MAGI3: variants seen among roughly 807,000 people sequenced by gnomAD.
MAGI3 encodes membrane-associated guanylate kinase, WW and PDZ domain-containing protein 3.
In MAGI3, 43 loss-of-function variants were observed where a neutral mutation model predicts 121.8. That is an observed-to-expected ratio of 0.35 (90% CI 0.28 to 0.46). The LOEUF (loss-of-function observed/expected upper bound fraction) is 0.46. Ranked by LOEUF, MAGI3 falls within the 20% of genes least tolerant of loss-of-function variation. The probability of loss-of-function intolerance (pLI) is 1.00; values close to 1 mark genes in which losing one functional copy is unlikely to be tolerated. For synonymous variants in MAGI3, 553 were observed against 639.3 expected, an observed-to-expected ratio of 0.86 and a Z score of 2.04; for missense variants, 1,547 against 1,797.3, an observed-to-expected ratio of 0.86 and a Z score of 2.52.
At chr1:113,577,471 G>T (rs1647725669) in intron 2 of MAGI3, among the ~76,000 whole-genome samples, 1 of 151,942 alleles carries the variant, frequency 6.6e-6, no homozygotes, top group African/African-American at 2.4e-5. Context: ...GTGGTGAGAA[G>T]TGGGGGTGAG....
At chr1:113,550,848 C>G (rs1659756312) in intron 2 of MAGI3, among the ~76,000 whole-genome samples, 1 of 150,522 alleles carries the variant, frequency 6.6e-6, no homozygotes, top group Admixed American at 6.6e-5. Context: ...ATTTGTAAAG[C>G]CTTATGCAGT....
chr1:113,605,655 A>C (rs1005249117), intron 6 of MAGI3, among the ~76,000 whole-genome samples: 4 of 151,708 alleles, frequency 2.6e-5, no homozygotes, highest in Non-Finnish European at 5.9e-5. Context: ...GCTGGAGTGC[A>C]GTGGCGCAAT....
intron 9 of MAGI3, among the ~76,000 whole-genome samples, chr1:113,625,222 TC>T (rs1232937928): frequency 6.6e-6 from 1 of 152,218 alleles, no homozygotes; most frequent in East Asian, 1.9e-4. Flanking sequence ...TTTTTCTATT[TC>T]TGTGAAGAAT....
At chr1:113,442,855 T>C (rs959781606) in intron 1 of MAGI3, among the ~76,000 whole-genome samples, 1 of 152,092 alleles carries the variant, frequency 6.6e-6, no homozygotes, top group Admixed American at 6.6e-5. Context: ...ATACAGTAGA[T>C]AGTTTAGATT....
chr1:113,425,270 T>C (rs1652940672), intron 1 of MAGI3, among the ~76,000 whole-genome samples: 1 of 147,114 alleles, frequency 6.8e-6, no homozygotes, highest in Non-Finnish European at 1.5e-5. Flanking sequence ...AATTACAAAT[T>C]CAATTTTTTT....
At chr1:113,647,242 G>A (rs1029218087) in intron 12 of MAGI3, among the ~76,000 whole-genome samples, 2 of 152,216 alleles carry the variant, frequency 1.3e-5, no homozygotes, top group Non-Finnish European at 2.9e-5. Flanking sequence ...CAATTGGCAA[G>A]GAAAGTCACA....
At chr1:113,586,055 CA>C (rs1488937448) in intron 4 of MAGI3, among the ~76,000 whole-genome samples, 1 of 152,098 alleles carries the variant, frequency 6.6e-6, no homozygotes, top group Non-Finnish European at 1.5e-5. Context: ...TGGATTCACT[CA>C]AAGAAAAATT....
At chr1:113,570,840 G>A (rs1647257995) in intron 2 of MAGI3, among the ~76,000 whole-genome samples, 1 of 152,030 alleles carries the variant, frequency 6.6e-6, no homozygotes, top group Non-Finnish European at 1.5e-5. Flanking sequence ...CATTCTATAG[G>A]TTGCCTGTTC....
At chr1:113,621,117 T>A (rs1650793275) in intron 8 of MAGI3, among the ~76,000 whole-genome samples, 1 of 152,058 alleles carries the variant, frequency 6.6e-6, no homozygotes, top group South Asian at 2.1e-4. Flanking sequence ...TCAGGAAAAG[T>A]TAAAGCAGGC....
At chr1:113,523,097 T>G (rs927552697) in intron 1 of MAGI3, among the ~76,000 whole-genome samples, 1 of 152,170 alleles carries the variant, frequency 6.6e-6, no homozygotes, top group African/African-American at 2.4e-5. Flanking sequence ...AAGGGGAAGT[T>G]TCCCTGCACA....
At chr1:113,405,623 T>C (rs1462753359) in intron 1 of MAGI3, among the ~76,000 whole-genome samples, 1 of 152,100 alleles carries the variant, frequency 6.6e-6, no homozygotes, top group African/African-American at 2.4e-5. Context: ...GGGGCATTGG[T>C]GATATCTGTC....
At chr1:113,665,719 T>TA (rs1181864091) in intron 16 of MAGI3, among the ~76,000 whole-genome samples, 1 of 152,176 alleles carries the variant, frequency 6.6e-6, no homozygotes, top group Non-Finnish European at 1.5e-5. Flanking sequence ...TTTAGAGTTC[T>TA]AGTATGTTCT....
intron 1 of MAGI3, among the ~76,000 whole-genome samples, chr1:113,492,621 A>G (rs1276360126): frequency 3.9e-5 from 6 of 152,208 alleles, no homozygotes; most frequent in Non-Finnish European, 8.8e-5. Context: ...CTTTTTGCAG[A>G]TGACATAATC....
chr1:113,584,966 C>CAATT (rs61622151), intron 3 of MAGI3, among the ~76,000 whole-genome samples: 24,804 of 109,584 alleles, frequency 0.23, 4,145 homozygotes, highest in South Asian at 0.35. Flanking sequence ...GTAGATATTT[C>CAATT]CTTTTTTTTT....
At chr1:113,482,141 C>T (rs951636302) in intron 1 of MAGI3, among the ~76,000 whole-genome samples, 2 of 151,956 alleles carry the variant, frequency 1.3e-5, no homozygotes, top group African/African-American at 4.8e-5. Context: ...ATCTAACTCA[C>T]AGTATTCCAA....
chr1:113,508,390 C>A (rs1657450413), intron 1 of MAGI3, among the ~76,000 whole-genome samples: 2 of 152,150 alleles, frequency 1.3e-5, no homozygotes, highest in Non-Finnish European at 2.9e-5. Flanking sequence ...GGCTGCAATT[C>A]AAGTTGTTTT....
intron 19 of MAGI3, among the ~76,000 whole-genome samples, chr1:113,679,132 T>C (rs186365883): frequency 3.9e-5 from 6 of 152,346 alleles, no homozygotes; most frequent in Admixed American, 3.9e-4. Context: ...GTGCGGCACA[T>C]GTACAGGTTT....
At chr1:113,656,074 T>G (rs1023219229) in intron 15 of MAGI3, among the ~76,000 whole-genome samples, 1 of 152,232 alleles carries the variant, frequency 6.6e-6, no homozygotes, top group African/African-American at 2.4e-5. Context: ...TTGCAGCTCA[T>G]TAATTATCAG....
In MAGI3 at chr1:113,614,615, T is replaced by A; in HGVS notation, c.1033T>A (p.Trp345Arg). The A allele has an allele frequency of 6.2e-7, 1 of 1,609,870 alleles. No individual in the cohort carries two copies. ...DCEDGELPYG[W>R]EKIEDPQYGT... The stretch of plus-strand genomic sequence containing the variant: ...TTTATTTACAGAGCTTCCTTATGGC[T>A]GGGAGAAAATAGAGGACCCTCAGTA... The change falls in exon 7 of 21, where the codon TGG becomes AGG. Residue 345 changes from tryptophan (W) to arginine (R), a missense_variant. Coordinates refer to ENST00000307546, the MANE Select transcript of MAGI3 (RefSeq NM_001142782.2).
Sources: gnomAD v4.1 joint callset for allele counts (sites outside exome capture counted in the v4.1 genomes callset) on GRCh38, gnomAD v4.1.1 for gene constraint, MANE v1.5 for transcripts, NCBI Gene and HGNC (gene_info 2026-07-23, HGNC 2026-07-21) for gene names.